Variants in PDGFC observed in about 807,000 individuals in gnomAD.
PDGFC encodes the protein platelet derived growth factor C.
In PDGFC, 12 loss-of-function variants were observed where a neutral mutation model predicts 35.5. The observed-to-expected ratio is 0.34, with a 90% CI of 0.22 to 0.55. The LOEUF is 0.55. Among genes scored for constraint, PDGFC ranks in the 20% least tolerant of loss-of-function variants. PDGFC has a pLI of 0.91. For synonymous variants in PDGFC, 159 were observed against 148.8 expected (o/e 1.07, Z -0.50); for missense variants, 322 against 412.4 (o/e 0.78, Z 1.90).
chr4:156,778,554 A>C (rs1308109373), intron 3 of PDGFC, among the ~76,000 whole-genome samples: 1 of 152,142 alleles, frequency 6.6e-6, no homozygotes, highest in Non-Finnish European at 1.5e-5. Flanking sequence ...GGCTACCTTA[A>C]ATATTTTCTG....
At chr4:156,916,236 C>A (rs1332138606) in intron 1 of PDGFC, among the ~76,000 whole-genome samples, 1 of 152,120 alleles carries the variant, frequency 6.6e-6, no homozygotes, top group African/African-American at 2.4e-5. Context: ...AACAGTTAGA[C>A]CCTGTTGCAA....
chr4:156,935,122 C>A (rs1376096596), intron 1 of PDGFC, among the ~76,000 whole-genome samples: 1 of 152,080 alleles, frequency 6.6e-6, no homozygotes, highest in African/African-American at 2.4e-5. Flanking sequence ...CTCAGCCTCC[C>A]GAGTGGCTGG....
chr4:156,783,146 A>C (rs1196870763), intron 3 of PDGFC, among the ~76,000 whole-genome samples: 1 of 152,166 alleles, frequency 6.6e-6, no homozygotes, highest in African/African-American at 2.4e-5. Context: ...AGTTGGAAAA[A>C]AATGGTGTTG....
At chr4:156,881,429 C>T (rs950620283) in intron 1 of PDGFC, among the ~76,000 whole-genome samples, 1 of 152,060 alleles carries the variant, frequency 6.6e-6, no homozygotes, top group Non-Finnish European at 1.5e-5. Context: ...GCTCTGTGTT[C>T]CCACCCAAAT....
chr4:156,774,850 T>C (rs1269945149), intron 3 of PDGFC, among the ~76,000 whole-genome samples: 2 of 152,096 alleles, frequency 1.3e-5, no homozygotes, highest in East Asian at 3.9e-4. Flanking sequence ...AGTTTTATTT[T>C]GTATATCTGA....
At chr4:156,958,085 T>C (rs150217367) in intron 1 of PDGFC, among the ~76,000 whole-genome samples, 39 of 152,126 alleles carry the variant, frequency 2.6e-4, no homozygotes, top group Admixed American at 6.6e-4. Context: ...CCAAACATGA[T>C]ACTATCGCTT....
chr4:156,803,062 G>A (rs1172956724), intron 3 of PDGFC, among the ~76,000 whole-genome samples: 2 of 152,142 alleles, frequency 1.3e-5, no homozygotes, highest in African/African-American at 2.4e-5. Flanking sequence ...CAGGATGATG[G>A]CAGAAGGAGA....
chr4:156,792,579 T>C (rs1731325929), intron 3 of PDGFC, among the ~76,000 whole-genome samples: 1 of 152,154 alleles, frequency 6.6e-6, no homozygotes, highest in East Asian at 1.9e-4. Flanking sequence ...CTACCAAAAA[T>C]ACACTATCTT....
At chr4:156,821,164 GTT>G (rs1732243119) in intron 2 of PDGFC, among the ~76,000 whole-genome samples, 3 of 132,828 alleles carry the variant, frequency 2.3e-5, no homozygotes, top group African/African-American at 1.0e-4. Flanking sequence ...AATGTTGCCT[GTT>G]GTATGTGTGT....
In PDGFC at chr4:156,848,842, C is replaced by T. The variant is rs1455726533; in HGVS notation, c.314+1379G>A. ...AATATGGGTAGCTGGTGTCACATGG[C>T]TCTCTTGGTGTTAACCTGTGGGAAC... On this transcript the variant is annotated intron_variant, in intron 2 of 5. Transcript: ENST00000502773. Among the ~76,000 whole-genome samples the T allele has an allele frequency of 2.6e-5, 4 of 152,052 alleles. No homozygotes were observed. The South Asian group carries it at 6.2e-4, about 24-fold the overall frequency.
chr4:156,781,022 AG>A (rs1229250735), intron 3 of PDGFC, among the ~76,000 whole-genome samples: 1 of 151,982 alleles, frequency 6.6e-6, no homozygotes, highest in Non-Finnish European at 1.5e-5. Context: ...GACCTTTTCT[AG>A]TTTCTGTCTA....
chr4:156,903,138 C>G (rs1184066157), intron 1 of PDGFC, among the ~76,000 whole-genome samples: 1 of 123,328 alleles, frequency 8.1e-6, no homozygotes, highest in Non-Finnish European at 1.7e-5. Context: ...TGTGTATAAA[C>G]TAGATCACAT....
At chr4:156,817,919 C>T (rs533480992) in intron 2 of PDGFC, among the ~76,000 whole-genome samples, 3 of 151,122 alleles carry the variant, frequency 2.0e-5, no homozygotes, top group East Asian at 2.0e-4. Flanking sequence ...ATTAGCCTGG[C>T]GTGGTGGCGG....
At chr4:156,925,665 T>C (rs949175445) in intron 1 of PDGFC, among the ~76,000 whole-genome samples, 1 of 150,964 alleles carries the variant, frequency 6.6e-6, no homozygotes, top group African/African-American at 2.4e-5. Context: ...TAGATATAGA[T>C]ACATGGAGAT....
chr4:156,954,815 T>C (rs1369141104), intron 1 of PDGFC, among the ~76,000 whole-genome samples: 2 of 151,988 alleles, frequency 1.3e-5, no homozygotes, highest in Non-Finnish European at 1.5e-5. Flanking sequence ...ATAAGGCATA[T>C]GACTCGTTTA....
intron 3 of PDGFC, among the ~76,000 whole-genome samples, chr4:156,790,976 C>T (rs1425253510): frequency 3.9e-5 from 6 of 152,112 alleles, no homozygotes; most frequent in Admixed American, 3.9e-4. Context: ...TTGAAGGTGC[C>T]AATGATTCCT....
intron 1 of PDGFC, among the ~76,000 whole-genome samples, chr4:156,931,142 G>A (rs1343642386): frequency 1.3e-5 from 2 of 152,132 alleles, no homozygotes; most frequent in Non-Finnish European, 2.9e-5. Context: ...AAAGCAAAAG[G>A]CGTGACAGCC....
At chr4:156,801,081 C>T (rs1260454472) in intron 3 of PDGFC, among the ~76,000 whole-genome samples, 1 of 152,100 alleles carries the variant, frequency 6.6e-6, no homozygotes, top group Non-Finnish European at 1.5e-5. Flanking sequence ...TATTGTAGAA[C>T]TTAAGATTGG....
At chr4:156,792,073 C>A (rs1360182842) in intron 3 of PDGFC, among the ~76,000 whole-genome samples, 1 of 152,162 alleles carries the variant, frequency 6.6e-6, no homozygotes, top group Non-Finnish European at 1.5e-5. Flanking sequence ...AAATTTCTGT[C>A]AATCCCAAGG....
Sources: allele counts gnomAD v4.1 joint callset (sites outside exome capture counted in the v4.1 genomes callset), GRCh38; gene constraint gnomAD v4.1.1; transcripts MANE v1.5; gene names NCBI Gene and HGNC (gene_info 2026-07-23, HGNC 2026-07-21).